The following IMMP2L variants were observed in gnomAD, a reference collection of about 807,000 sequenced individuals.
IMMP2L encodes the protein mitochondrial inner membrane protease subunit 2.
A neutral mutation model predicts 19.3 loss-of-function variants in IMMP2L; 18 were observed. That is an observed-to-expected ratio of 0.93 (90% CI 0.64 to 1.38). The LOEUF (loss-of-function observed/expected upper bound fraction) is 1.38, where lower values mean the gene tolerates loss of function less well. Ranked by LOEUF, IMMP2L falls within the 40% of genes most tolerant of loss-of-function variation. IMMP2L has a pLI of 0.00. For missense variants in IMMP2L, 233 were observed against 218.2 expected, an observed-to-expected ratio of 1.07 and a Z score of -0.43; for synonymous variants, 76 against 73.0, an observed-to-expected ratio of 1.04 and a Z score of -0.21.
intron 3 of IMMP2L, among the ~76,000 whole-genome samples, chr7:111,423,758 C>G (rs1835810868): frequency 6.6e-6 from 1 of 151,508 alleles, no homozygotes; most frequent in Non-Finnish European, 1.5e-5. Context: ...ACTAGAGAAG[C>G]AAAAGCAAAC....
intron 1 of IMMP2L, among the ~76,000 whole-genome samples, chr7:111,538,816 TAAAAA>T (rs768599585): frequency 1.2e-5 from 1 of 82,422 alleles, no homozygotes; most frequent in Admixed American, 1.4e-4. Context: ...CTGGCTCATT[TAAAAA>T]AAAAAAAAAA....
chr7:111,109,343 G>A (rs1018229240), intron 3 of IMMP2L, among the ~76,000 whole-genome samples: 3 of 151,498 alleles, frequency 2.0e-5, no homozygotes, highest in African/African-American at 7.3e-5. Context: ...TCATGCTTAC[G>A]AACTACAAAA....
At chr7:111,526,720 CT>C (rs1846898952) in intron 1 of IMMP2L, among the ~76,000 whole-genome samples, 1 of 152,114 alleles carries the variant, frequency 6.6e-6, no homozygotes, top group African/African-American at 2.4e-5. Context: ...TTTCTGGAAA[CT>C]TCTGGAAAGT....
chr7:110,947,351 C>A (rs956454477), intron 4 of IMMP2L, among the ~76,000 whole-genome samples: 1 of 152,078 alleles, frequency 6.6e-6, no homozygotes, highest in East Asian at 1.9e-4. Flanking sequence ...AATACTAGGG[C>A]TCAGGAACAT....
intron 3 of IMMP2L, among the ~76,000 whole-genome samples, chr7:111,440,457 C>T (rs1448350031): frequency 6.6e-6 from 1 of 151,912 alleles, no homozygotes; most frequent in African/African-American, 2.4e-5. Flanking sequence ...TGACCAGGTG[C>T]ATTATCAATG....
intron 3 of IMMP2L, among the ~76,000 whole-genome samples, chr7:111,300,431 G>A (rs1195747559): frequency 1.3e-5 from 2 of 152,068 alleles, no homozygotes; most frequent in Non-Finnish European, 2.9e-5. Context: ...ACATGCAGTT[G>A]TAAGAAATAA....
intron 4 of IMMP2L, among the ~76,000 whole-genome samples, chr7:110,954,340 C>T (rs887253255): frequency 2.0e-5 from 3 of 152,000 alleles, no homozygotes; most frequent in Admixed American, 6.6e-5. Context: ...TCTTTTGTTG[C>T]CTTTGTTGTC....
chr7:110,847,178 C>T (rs1805750388), intron 5 of IMMP2L, among the ~76,000 whole-genome samples: 1 of 152,114 alleles, frequency 6.6e-6, no homozygotes, highest in Non-Finnish European at 1.5e-5. Flanking sequence ...TCAAGCTAGA[C>T]ATATTCTAAT....
intron 3 of IMMP2L, among the ~76,000 whole-genome samples, chr7:111,465,185 T>C (rs1367093597): frequency 6.6e-6 from 1 of 152,160 alleles, no homozygotes; most frequent in Non-Finnish European, 1.5e-5. Flanking sequence ...ATGGGCTCTC[T>C]GACCCCTATA....
At chr7:110,971,541 C>A (rs1311182186) in intron 3 of IMMP2L, among the ~76,000 whole-genome samples, 2 of 152,026 alleles carry the variant, frequency 1.3e-5, no homozygotes, top group Admixed American at 1.3e-4. Flanking sequence ...TGCCGTCACA[C>A]AATAAACTTC....
intron 4 of IMMP2L, among the ~76,000 whole-genome samples, chr7:110,900,914 G>A (rs112967897): frequency 0.032 from 4,827 of 151,940 alleles, 246 homozygotes; most frequent in African/African-American, 0.11. Context: ...TGGCCTCATC[G>A]CCTCTTGCTC....
At chr7:110,927,055 G>T (rs983045464) in intron 4 of IMMP2L, among the ~76,000 whole-genome samples, 2 of 152,064 alleles carry the variant, frequency 1.3e-5, no homozygotes, top group Non-Finnish European at 2.9e-5. Flanking sequence ...AGAATGTTTG[G>T]AGGTTGGGAT....
rs1253659094 is a variant in IMMP2L at position 111,123,828 on chromosome 7, T to C, written c.240-160263A>G. ...ATGCTCTCAGTGCCCTGTACCATGG[T>C]ACCATTGAGTCTCTGCCAAACCTCA... On this transcript the variant is annotated intron_variant, in intron 3 of 5. Transcript: ENST00000405709. This position sits in a 1 kb window ranked among gnomAD's most constrained non-coding sequence, Gnocchi z 6.4. 1.2e-6 allele frequency: 2 copies of C among 1,613,878 alleles called. No homozygotes were observed. The highest frequency in any genetic ancestry group is 8.5e-7 in the Non-Finnish European group (1 of 1,179,972).
chr7:110,819,414 T>G (rs1802832182), intron 5 of IMMP2L, among the ~76,000 whole-genome samples: 1 of 152,052 alleles, frequency 6.6e-6, no homozygotes, highest in African/African-American at 2.4e-5. Context: ...TTGGCTGAAG[T>G]GCAGAAATGT....
intron 3 of IMMP2L, among the ~76,000 whole-genome samples, chr7:111,216,446 G>A (rs1440210824): frequency 6.6e-6 from 1 of 152,110 alleles, no homozygotes; most frequent in Non-Finnish European, 1.5e-5. Flanking sequence ...GGCGTACAAA[G>A]TGATGTTATG....
chr7:110,978,015 C>A (rs186900918), intron 3 of IMMP2L, among the ~76,000 whole-genome samples: 1 of 151,830 alleles, frequency 6.6e-6, no homozygotes, highest in Non-Finnish European at 1.5e-5. Flanking sequence ...TTGTTCCTCA[C>A]GAAAAACTAG....
intron 5 of IMMP2L, among the ~76,000 whole-genome samples, chr7:110,824,479 A>G (rs1563001832): frequency 6.6e-6 from 1 of 152,106 alleles, no homozygotes; most frequent in Admixed American, 6.6e-5. Context: ...AGATCCTCCC[A>G]TGTCAGCCTC....
intron 3 of IMMP2L, among the ~76,000 whole-genome samples, chr7:111,108,760 CAT>C (rs1416131385): frequency 4.6e-5 from 7 of 152,260 alleles, no homozygotes; most frequent in East Asian, 3.9e-4. Flanking sequence ...ATACAAACCA[CAT>C]GAGTCAATTC....
At chr7:111,395,021 G>T (rs1465331756) in intron 3 of IMMP2L, 1 of 235,558 alleles carries the variant, frequency 4.2e-6, no homozygotes, top group East Asian at 1.1e-4. Context: ...GCAGCTGTTC[G>T]CCACCTGATG....
Sources: gnomAD v4.1 joint callset for allele counts (sites outside exome capture counted in the v4.1 genomes callset) on GRCh38, gnomAD v4.1.1 for gene constraint, Gnocchi (gnomAD v3.1) non-coding constraint, MANE v1.5 for transcripts, NCBI Gene and HGNC (gene_info 2026-07-23, HGNC 2026-07-21) for gene names.